FBN1: variants seen among roughly 807,000 people sequenced by gnomAD.
The protein encoded by FBN1 is fibrillin-1.
In FBN1, 29 loss-of-function variants were observed where a neutral mutation model predicts 365.1. The observed-to-expected ratio is 0.08, with a 90% CI of 0.06 to 0.11. The LOEUF (loss-of-function observed/expected upper bound fraction) is 0.11, where lower values mean the gene tolerates loss of function less well. Among genes scored for constraint, FBN1 ranks in the 10% least tolerant of loss-of-function variants. The probability of loss-of-function intolerance (pLI) is 1.00; values close to 1 mark genes in which losing one functional copy is unlikely to be tolerated. For missense variants in FBN1, 2,476 were observed against 3,703.2 expected (o/e 0.67, Z 8.60); for synonymous variants, 1,210 against 1,270.5 (o/e 0.95, Z 1.01).
intron 4 of FBN1, among the ~76,000 whole-genome samples, chr15:48,606,647 T>A (rs1336483370): frequency 2.0e-5 from 3 of 152,222 alleles, no homozygotes; most frequent in Non-Finnish European, 2.9e-5. Context: ...GTGATGGAAA[T>A]GTTCTGCATC....
chr15:48,608,001 C>T (rs1303667411), intron 4 of FBN1, among the ~76,000 whole-genome samples: 1 of 152,190 alleles, frequency 6.6e-6, no homozygotes, highest in East Asian at 1.9e-4. Context: ...ATTCTTTTTG[C>T]CCTGGTGCTG....
At chr15:48,501,009 G>T (rs533913179) in intron 17 of FBN1, among the ~76,000 whole-genome samples, 157 of 152,322 alleles carry the variant, frequency 1.0e-3, no homozygotes, top group African/African-American at 3.8e-3. Flanking sequence ...GATGGTTCAT[G>T]ACCAAAGAGG....
rs760778942 is a variant in FBN1, at chr15:48,432,829, C to T, written c.6739+37G>A. Reference sequence around the variant, plus strand: ...GGGACATCTCCCCTCACAGATAAAGCTTCCTGGCTTAGATGACCTTGAACA... The same window carrying T: ...GGGACATCTCCCCTCACAGATAAAGTTTCCTGGCTTAGATGACCTTGAACA... On this transcript the variant is annotated intron_variant, in intron 55 of 65. Coordinates refer to ENST00000316623, the MANE Select transcript of FBN1 (RefSeq NM_000138.5). 1.9e-6 allele frequency: 3 copies of T among 1,612,690 alleles called. 1 individual carries two copies. The highest frequency in any genetic ancestry group is 2.5e-6 in the Non-Finnish European group (3 of 1,179,122).
Position 48,425,457 on chromosome 15 carries a change from G to A in FBN1, c.7365C>T (p.Cys2455=). The A allele has an allele frequency of 1.2e-6, 2 of 1,614,100 alleles. No individual in the cohort carries two copies. The highest frequency in any genetic ancestry group is 1.7e-6 in the Non-Finnish European group (2 of 1,179,980). ...LNECNQAPKP[C]NFICKNTEGS... is the part of the protein sequence containing the mutation. ...CTTCTGTGTTTTTGCAGATAAAATT[G>A]CAGGGTTTGGGAGCCTGGTTGCACT... Residue 2455 remains cysteine, a synonymous_variant, in exon 60 of 66, where the codon TGC becomes TGT. Coordinates refer to ENST00000316623, the MANE Select transcript of FBN1 (RefSeq NM_000138.5).
intron 54 of FBN1, 53 bp downstream of exon 54, chr15:48,434,541 T>C (rs2043049275): frequency 3.1e-6 from 5 of 1,609,436 alleles, no homozygotes; most frequent in Non-Finnish European, 4.3e-6. Context: ...AATCAACCAA[T>C]TGTTCCCAGG....
At chr15:48,517,265 G>T (rs2141332268) in intron 10 of FBN1, among the ~76,000 whole-genome samples, 1 of 152,326 alleles carries the variant, frequency 6.6e-6, no homozygotes, top group African/African-American at 2.4e-5. Flanking sequence ...AGAGTCATCA[G>T]TACAGAGAGG....
chr15:48,635,753 C>CA (rs908434514), intron 2 of FBN1, among the ~76,000 whole-genome samples: 5 of 152,118 alleles, frequency 3.3e-5, no homozygotes, highest in Admixed American at 3.3e-4. Flanking sequence ...TTGAATAAAA[C>CA]AAAACATACT....
At chr15:48,635,404 A>T (rs977383722) in intron 2 of FBN1, among the ~76,000 whole-genome samples, 2 of 152,214 alleles carry the variant, frequency 1.3e-5, no homozygotes, top group Non-Finnish European at 2.9e-5. Context: ...TATATTCCTA[A>T]TCCAATTTTA....
chr15:48,526,406 C>T lies in FBN1; in HGVS notation c.863-151G>A, dbSNP rs141056875. 1.4e-4 allele frequency: 107 copies of T among 776,528 alleles called. No individual in the cohort carries two copies. In the African/African-American group the frequency reaches 1.5e-3, roughly 11 times the overall value. 48.1% of individuals were successfully genotyped at this position (776,528 alleles called of 1,614,324 possible). ...AAAACCGCATGGAGAACAGTCAATTCAAAGGTAGATGCTGCTTCTTTCAAC... is the reference window on the plus strand; with the variant it reads ...AAAACCGCATGGAGAACAGTCAATTTAAAGGTAGATGCTGCTTCTTTCAAC... On this transcript the variant is annotated intron_variant, in intron 8 of 65. Transcript: ENST00000316623.
At chr15:48,475,272 A>G (rs1453954124) in intron 32 of FBN1, among the ~76,000 whole-genome samples, 1 of 152,200 alleles carries the variant, frequency 6.6e-6, no homozygotes, top group Non-Finnish European at 1.5e-5. Context: ...GTCCTAGCAC[A>G]TTGGAGAGCC....
intron 43 of FBN1, among the ~76,000 whole-genome samples, chr15:48,459,144 T>C (rs1399640292): frequency 6.6e-6 from 1 of 152,224 alleles, no homozygotes; most frequent in East Asian, 1.9e-4. Context: ...TTCTAGTCTT[T>C]GCTTACTGCC....
At chr15:48,423,181 G>C (rs545161816) in intron 60 of FBN1, among the ~76,000 whole-genome samples, 1 of 152,062 alleles carries the variant, frequency 6.6e-6, no homozygotes. Flanking sequence ...TAAAATTGTC[G>C]CATATTCAGG....
chr15:48,482,048 G>A (rs190199917), intron 31 of FBN1, among the ~76,000 whole-genome samples: 3 of 152,258 alleles, frequency 2.0e-5, no homozygotes, highest in Admixed American at 6.5e-5. Context: ...TTTAGAGCTC[G>A]TTTATGTGAC....
intron 58 of FBN1, among the ~76,000 whole-genome samples, chr15:48,427,114 G>C (rs2042984421): frequency 6.6e-6 from 1 of 152,162 alleles, no homozygotes. Flanking sequence ...TAAGGAGCTT[G>C]TGCTTTTCCA....
intron 4 of FBN1, among the ~76,000 whole-genome samples, chr15:48,605,484 C>A (rs1832036405): frequency 6.6e-6 from 1 of 152,102 alleles, no homozygotes; most frequent in Non-Finnish European, 1.5e-5. Flanking sequence ...TGATAAAATG[C>A]CTGCAAATAA....
intron 6 of FBN1, among the ~76,000 whole-genome samples, chr15:48,564,439 T>C (rs950969573): frequency 6.6e-6 from 1 of 152,086 alleles, no homozygotes; most frequent in Non-Finnish European, 1.5e-5. Context: ...AAAAGACACT[T>C]TGGGGAGAAT....
chr15:48,598,993 T>C (rs1433477068), intron 5 of FBN1, among the ~76,000 whole-genome samples: 1 of 152,162 alleles, frequency 6.6e-6, no homozygotes, highest in Non-Finnish European at 1.5e-5. Flanking sequence ...CCTGCTGCCA[T>C]CCATGTAAGA....
At chr15:48,624,764 C>T (rs1349052345) in intron 2 of FBN1, among the ~76,000 whole-genome samples, 2 of 152,216 alleles carry the variant, frequency 1.3e-5, no homozygotes, top group Non-Finnish European at 2.9e-5. Context: ...CTGTACTTTT[C>T]CAAAGGGTGA....
intron 13 of FBN1, 132 bp from the exon 14 acceptor site, chr15:48,510,301 A>G (rs1311624198): frequency 2.4e-6 from 2 of 833,918 alleles, no homozygotes; most frequent in South Asian, 1.6e-5. Context: ...ATTCTCCAAC[A>G]TAAATTGGTT....
Sources: allele counts gnomAD v4.1 joint callset (sites outside exome capture counted in the v4.1 genomes callset), GRCh38; gene constraint gnomAD v4.1.1; transcripts MANE v1.5; gene names NCBI Gene and HGNC (gene_info 2026-07-23, HGNC 2026-07-21).